The following CTIF variants were observed in gnomAD, a reference collection of about 807,000 sequenced individuals.
CTIF encodes CBP80/20-dependent translation initiation factor.
In CTIF, 21 loss-of-function variants were observed where a neutral mutation model predicts 66.0. The observed-to-expected ratio is 0.32, with a 90% confidence interval of 0.23 to 0.46. The LOEUF (loss-of-function observed/expected upper bound fraction) is 0.46. CTIF is among the 20% of genes least tolerant of loss of function. The probability of loss-of-function intolerance (pLI) is 1.00; values close to 1 mark genes in which losing one functional copy is unlikely to be tolerated. For missense variants in CTIF, 739 were observed against 812.7 expected, an observed-to-expected ratio of 0.91 and a Z score of 1.10; for synonymous variants, 345 against 326.4, an observed-to-expected ratio of 1.06 and a Z score of -0.62.
At chr18:48,591,940 T>A (rs1386386927) in intron 1 of CTIF, among the ~76,000 whole-genome samples, 1 of 152,154 alleles carries the variant, frequency 6.6e-6, no homozygotes, top group African/African-American at 2.4e-5. Flanking sequence ...TTTGTAGAGA[T>A]GGGATCTCAC....
At chr18:48,618,671 C>T (rs1168308347) in intron 1 of CTIF, among the ~76,000 whole-genome samples, 1 of 152,150 alleles carries the variant, frequency 6.6e-6, no homozygotes, top group East Asian at 1.9e-4. Flanking sequence ...GCGGTGAGGT[C>T]CCAGCAGACC....
chr18:48,548,849 G>A (rs1451875334), intron 1 of CTIF, among the ~76,000 whole-genome samples: 2 of 152,260 alleles, frequency 1.3e-5, no homozygotes, highest in African/African-American at 4.8e-5. Context: ...ATTGAGGTAA[G>A]CCTGGCAGGG....
intron 9 of CTIF, among the ~76,000 whole-genome samples, chr18:48,811,371 A>G (rs1215091016): frequency 6.6e-6 from 1 of 152,194 alleles, no homozygotes; most frequent in Non-Finnish European, 1.5e-5. Flanking sequence ...TTTGTTGGCC[A>G]TAACATGCAT....
At chr18:48,637,331 C>T (rs1033389420) in intron 3 of CTIF, among the ~76,000 whole-genome samples, 1 of 152,200 alleles carries the variant, frequency 6.6e-6, no homozygotes, top group Non-Finnish European at 1.5e-5. Context: ...GCCCTGGTGA[C>T]CCCCTGGCCC....
Position 48,761,731 on chromosome 18 carries a change from C to G in CTIF, c.1371+42C>G. 2 of 1,569,240 alleles carry G rather than the reference C, an allele frequency of 1.3e-6. No individual in the cohort carries two copies. The highest frequency in any genetic ancestry group is 1.3e-5 in the African/African-American group (1 of 74,082). On this transcript the variant is annotated intron_variant, in intron 9 of 11. Transcript: ENST00000256413. This position sits in a 1 kb window ranked among gnomAD's most constrained non-coding sequence, Gnocchi z 4.2. The stretch of plus-strand genomic sequence containing the variant: ...CACCACCGCCCCGCGCCCCCTGCCC[C>G]TCTGCGTTCGGTGAGTTATTCCTAG...
chr18:48,793,994 G>C (rs771018123), intron 9 of CTIF, among the ~76,000 whole-genome samples: 6 of 152,020 alleles, frequency 3.9e-5, no homozygotes, highest in Non-Finnish European at 8.8e-5. Context: ...TGTTACCTTC[G>C]CTTCTGCTCT....
At chr18:48,664,658 G>A in intron 5 of CTIF, 107 bp downstream of exon 5, 1 of 844,006 alleles carries the variant, frequency 1.2e-6, no homozygotes, top group Admixed American at 2.2e-5. Flanking sequence ...TCAGGTGGCT[G>A]ATGCCCCGGG....
At chr18:48,547,875 G>C (rs764700922) in intron 1 of CTIF, among the ~76,000 whole-genome samples, 5 of 152,176 alleles carry the variant, frequency 3.3e-5, no homozygotes, top group African/African-American at 9.7e-5. Flanking sequence ...GGTGCTTTTC[G>C]GATGATCATG....
At chr18:48,708,472 A>C (rs901256321) in intron 6 of CTIF, among the ~76,000 whole-genome samples, 1 of 152,210 alleles carries the variant, frequency 6.6e-6, no homozygotes, top group African/African-American at 2.4e-5. Flanking sequence ...CCCCCATTGC[A>C]TGCAGGAGGA....
chr18:48,822,288 A>G (rs1199104307), intron 10 of CTIF, among the ~76,000 whole-genome samples: 1 of 152,178 alleles, frequency 6.6e-6, no homozygotes, highest in East Asian at 1.9e-4. Context: ...TGTAATGATC[A>G]GGTCAGGGAA....
intron 1 of CTIF, among the ~76,000 whole-genome samples, chr18:48,586,308 G>A (rs1265463851): frequency 2.1e-5 from 3 of 142,044 alleles, no homozygotes; most frequent in Admixed American, 7.4e-5. Flanking sequence ...ACAGAGACTC[G>A]CTCTGTTGCC....
At chr18:48,719,568 C>T (rs116481814) in intron 7 of CTIF, among the ~76,000 whole-genome samples, 102 of 152,272 alleles carry the variant, frequency 6.7e-4, no homozygotes, top group Middle Eastern at 3.4e-3. Flanking sequence ...TTTGTAACAC[C>T]GCACTCAATA....
At chr18:48,829,023 T>C (rs961976488) in intron 10 of CTIF, among the ~76,000 whole-genome samples, 1 of 152,206 alleles carries the variant, frequency 6.6e-6, no homozygotes, top group South Asian at 2.1e-4. Context: ...CCCTGCTATC[T>C]GCAGAGCTGA....
At chr18:48,666,860 G>T (rs758853560) in intron 5 of CTIF, among the ~76,000 whole-genome samples, 1 of 152,260 alleles carries the variant, frequency 6.6e-6, no homozygotes, top group African/African-American at 2.4e-5. Context: ...CCACACTTCT[G>T]TGCTTAGGAA....
intron 7 of CTIF, among the ~76,000 whole-genome samples, chr18:48,753,148 C>T (rs1217437274): frequency 1.3e-5 from 2 of 152,182 alleles, no homozygotes; most frequent in Non-Finnish European, 2.9e-5. Flanking sequence ...GAGGTGCCTA[C>T]GCTGGTAATA....
At chr18:48,675,293 G>A (rs938187538) in intron 6 of CTIF, among the ~76,000 whole-genome samples, 2 of 152,206 alleles carry the variant, frequency 1.3e-5, no homozygotes, top group African/African-American at 4.8e-5. Context: ...CTACCACTCT[G>A]TCAGTGTTGT....
chr18:48,810,092 G>A (rs1172925619), intron 9 of CTIF, among the ~76,000 whole-genome samples: 1 of 151,972 alleles, frequency 6.6e-6, no homozygotes, highest in Admixed American at 6.6e-5. Flanking sequence ...TTAATAATAT[G>A]TGTTATAAAA....
At chr18:48,688,709 G>A (rs1343037480) in intron 6 of CTIF, among the ~76,000 whole-genome samples, 2 of 152,190 alleles carry the variant, frequency 1.3e-5, no homozygotes, top group Non-Finnish European at 2.9e-5. Flanking sequence ...ACATCCTGTA[G>A]TTTCTTTTAT....
chr18:48,859,423 T>A lies in CTIF; in HGVS notation c.1661T>A (p.Met554Lys). The A allele has an allele frequency of 6.2e-7, 1 of 1,614,134 alleles. No individual in the cohort carries two copies. Among genetic ancestry groups the A allele is most frequent in the Non-Finnish European group, 8.5e-7 (1 of 1,180,028 alleles). ...CTCCTGGCCAGCGCACGGGACAAGA[T>A]GCTGTGCCCCTCGGAGTCCATGCTG... is the stretch of plus-strand genomic sequence containing the variant. ...TELLASARDK[M>K]LCPSESMLTR... is the part of the protein sequence containing the mutation. Residue 554 changes from methionine (M) to lysine (K), a missense_variant, in exon 12 of 12, where the codon ATG becomes AAG. Coordinates refer to ENST00000256413, the MANE Select transcript of CTIF (RefSeq NM_014772.3).
Sources: allele counts gnomAD v4.1 joint callset (sites outside exome capture counted in the v4.1 genomes callset), GRCh38; gene constraint gnomAD v4.1.1; non-coding constraint Gnocchi (gnomAD v3.1); transcripts MANE v1.5; gene names NCBI Gene and HGNC (gene_info 2026-07-23, HGNC 2026-07-21).